The following SGCZ variants were observed in gnomAD, a reference collection of about 807,000 sequenced individuals.
SGCZ encodes the protein zeta-sarcoglycan.
In SGCZ, 40 loss-of-function variants were observed where a neutral mutation model predicts 41.3. The ratio of observed to expected loss-of-function variants is 0.97; its 90% confidence interval spans 0.75 to 1.26. The LOEUF (loss-of-function observed/expected upper bound fraction) is 1.26. Ranked by LOEUF, SGCZ falls within the 50% of genes most tolerant of loss-of-function variation. The pLI, the probability that SGCZ is intolerant of heterozygous loss-of-function variation, is 0.00. For missense variants in SGCZ, 552 were observed against 369.8 expected (o/e 1.49, Z -4.04); for synonymous variants, 206 against 137.5 (o/e 1.50, Z -3.49).
At chr8:14,373,412 T>C (rs1803983617) in intron 2 of SGCZ, among the ~76,000 whole-genome samples, 1 of 152,212 alleles carries the variant, frequency 6.6e-6, no homozygotes, top group South Asian at 2.1e-4. Flanking sequence ...GATAATCATT[T>C]GTGACTACTC....
chr8:14,713,023 C>A (rs959518897), intron 1 of SGCZ, among the ~76,000 whole-genome samples: 1 of 152,000 alleles, frequency 6.6e-6, no homozygotes, highest in Non-Finnish European at 1.5e-5. Flanking sequence ...ACTGTGTAGG[C>A]CCCTAGTTGC....
chr8:14,790,355 T>A (rs1440879470), intron 1 of SGCZ, among the ~76,000 whole-genome samples: 3 of 152,168 alleles, frequency 2.0e-5, no homozygotes, highest in African/African-American at 7.2e-5. Context: ...ACAGCAATAA[T>A]CTTGTCAATG....
At chr8:14,336,777 C>G (rs1255935868) in intron 2 of SGCZ, among the ~76,000 whole-genome samples, 1 of 152,166 alleles carries the variant, frequency 6.6e-6, no homozygotes, top group Admixed American at 6.6e-5. Context: ...CCAAATGTGT[C>G]TCAAACAAAG....
At chr8:14,641,049 G>A (rs1024254763) in intron 1 of SGCZ, among the ~76,000 whole-genome samples, 2 of 151,554 alleles carry the variant, frequency 1.3e-5, no homozygotes, top group Non-Finnish European at 3.0e-5. Flanking sequence ...AAACAGGAAG[G>A]TATACTCTGT....
intron 7 of SGCZ, among the ~76,000 whole-genome samples, chr8:14,094,737 T>G (rs915248200): frequency 6.6e-6 from 1 of 152,132 alleles, no homozygotes; most frequent in African/African-American, 2.4e-5. Context: ...GTTGAACTAA[T>G]TTACACTCCC....
intron 5 of SGCZ, among the ~76,000 whole-genome samples, chr8:14,146,890 A>AAAAAATAATAATAAT (rs1182329393): frequency 3.4e-5 from 4 of 116,178 alleles, no homozygotes; most frequent in African/African-American, 3.6e-5. Flanking sequence ...AAAATAAAAA[A>AAAAAATAATAATAAT]AATAATAATA....
intron 2 of SGCZ, among the ~76,000 whole-genome samples, chr8:14,421,903 G>C (rs1323376470): frequency 2.0e-5 from 3 of 152,096 alleles, no homozygotes; most frequent in Non-Finnish European, 4.4e-5. Context: ...TTTTAAGAAT[G>C]TTAGTGGGAA....
At chr8:15,125,867 C>G (rs977669341) in intron 1 of SGCZ, among the ~76,000 whole-genome samples, 11 of 152,116 alleles carry the variant, frequency 7.2e-5, no homozygotes, top group African/African-American at 2.4e-4. Flanking sequence ...ATTTCAGGGT[C>G]GGGTGCAGTG....
At chr8:14,544,757 A>G (rs1170146680) in intron 2 of SGCZ, among the ~76,000 whole-genome samples, 4 of 152,130 alleles carry the variant, frequency 2.6e-5, no homozygotes, top group Admixed American at 2.6e-4. Context: ...CTTTATCAAG[A>G]CAATACGTGC....
intron 1 of SGCZ, among the ~76,000 whole-genome samples, chr8:15,231,794 G>C (rs1801949254): frequency 6.6e-6 from 1 of 151,632 alleles, no homozygotes; most frequent in Non-Finnish European, 1.5e-5. Context: ...GCTAATTTTT[G>C]TATTTTTAGT....
At chr8:15,152,648 C>T (rs1210709439) in intron 1 of SGCZ, among the ~76,000 whole-genome samples, 1 of 152,164 alleles carries the variant, frequency 6.6e-6, no homozygotes, top group Admixed American at 6.5e-5. Context: ...AAATCACACT[C>T]CTTTGAGATA....
At chr8:14,142,412 C>G (rs1170408081) in intron 5 of SGCZ, among the ~76,000 whole-genome samples, 1 of 152,114 alleles carries the variant, frequency 6.6e-6, no homozygotes, top group Admixed American at 6.6e-5. Context: ...GCTGGGCTGG[C>G]TCTAAAGTGT....
intron 5 of SGCZ, among the ~76,000 whole-genome samples, chr8:14,154,515 C>T (rs1206345079): frequency 1.3e-5 from 2 of 152,062 alleles, no homozygotes; most frequent in African/African-American, 2.4e-5. Context: ...AAACATGTTA[C>T]CCGTGGTTTA....
At chr8:14,569,962 T>C (rs1407316266) in intron 1 of SGCZ, among the ~76,000 whole-genome samples, 2 of 148,184 alleles carry the variant, frequency 1.3e-5, no homozygotes, top group African/African-American at 5.0e-5. Flanking sequence ...TTTTTTTTTT[T>C]CAGCCAGCCC....
At chr8:14,272,229 C>T (rs1277839801) in intron 3 of SGCZ, among the ~76,000 whole-genome samples, 2 of 152,198 alleles carry the variant, frequency 1.3e-5, no homozygotes, top group Admixed American at 6.5e-5. Flanking sequence ...GTCTCTAACT[C>T]CTGACCCCAA....
At chr8:14,824,706 A>G (rs1802233762) in intron 1 of SGCZ, among the ~76,000 whole-genome samples, 1 of 152,092 alleles carries the variant, frequency 6.6e-6, no homozygotes, top group Non-Finnish European at 1.5e-5. Flanking sequence ...GATAATTAAG[A>G]AATTTCACTG....
chr8:15,086,315 A>G (rs904101995), intron 1 of SGCZ, among the ~76,000 whole-genome samples: 3 of 152,210 alleles, frequency 2.0e-5, no homozygotes, highest in African/African-American at 7.2e-5. Context: ...GTTGCTAAAG[A>G]CACATAAGCT....
chr8:14,209,814 T>C (rs1264573998), intron 4 of SGCZ, among the ~76,000 whole-genome samples: 1 of 151,802 alleles, frequency 6.6e-6, no homozygotes, highest in African/African-American at 2.4e-5. Flanking sequence ...CTGAATTCCA[T>C]ATTTTCATAA....
intron 1 of SGCZ, among the ~76,000 whole-genome samples, chr8:15,023,987 G>C (rs1286775455): frequency 6.6e-6 from 1 of 152,174 alleles, no homozygotes; most frequent in African/African-American, 2.4e-5. Context: ...ACCAGGATAA[G>C]TGATATTTAA....
Sources: allele counts gnomAD v4.1 joint callset (sites outside exome capture counted in the v4.1 genomes callset), GRCh38; gene constraint gnomAD v4.1.1; transcripts MANE v1.5; gene names NCBI Gene and HGNC (gene_info 2026-07-23, HGNC 2026-07-21).